MTA3: variants seen among roughly 807,000 people sequenced by gnomAD.
The protein encoded by MTA3 is metastasis-associated protein MTA3.
MTA3 carries 34 observed loss-of-function variants against 83.5 expected under a neutral mutation model. The ratio of observed to expected loss-of-function variants is 0.41; its 90% confidence interval spans 0.31 to 0.54. The LOEUF (loss-of-function observed/expected upper bound fraction) is 0.54, where lower values mean the gene tolerates loss of function less well. Ranked by LOEUF, MTA3 falls within the 20% of genes least tolerant of loss-of-function variation. The probability of loss-of-function intolerance (pLI) is 0.33; values close to 1 mark genes in which losing one functional copy is unlikely to be tolerated. For missense variants in MTA3, 761 were observed against 726.4 expected (o/e 1.05, Z -0.55); for synonymous variants, 303 against 252.7 (o/e 1.20, Z -1.89).
intron 2 of MTA3, among the ~76,000 whole-genome samples, chr2:42,555,387 G>A (rs561391277): frequency 6.9e-5 from 10 of 145,436 alleles, no homozygotes; most frequent in Non-Finnish European, 1.2e-4. Context: ...CCCAGGAGGC[G>A]GAGGTTGTGG....
intron 14 of MTA3, among the ~76,000 whole-genome samples, chr2:42,718,552 T>A (rs1183676076): frequency 6.6e-6 from 1 of 151,220 alleles, no homozygotes; most frequent in African/African-American, 2.4e-5. Context: ...AACACAAGAT[T>A]AGGAGTTCGA....
intron 2 of MTA3, among the ~76,000 whole-genome samples, chr2:42,561,996 A>G (rs1449005944): frequency 6.6e-6 from 1 of 152,146 alleles, no homozygotes; most frequent in Non-Finnish European, 1.5e-5. Flanking sequence ...AGGTGTCAGT[A>G]GGGTTAGTCC....
chr2:42,549,468 T>A (rs1321492292), intron 2 of MTA3, among the ~76,000 whole-genome samples: 7 of 91,352 alleles, frequency 7.7e-5, no homozygotes, highest in African/African-American at 2.9e-4. Context: ...TATATACATA[T>A]TATATATTAT....
intron 8 of MTA3, among the ~76,000 whole-genome samples, chr2:42,662,285 G>T (rs1689792943): frequency 6.6e-6 from 1 of 151,888 alleles, no homozygotes; most frequent in Non-Finnish European, 1.5e-5. Context: ...ATCCCTTTGT[G>T]AGCATGTGTG....
chr2:42,559,501 C>CA (rs543291273), intron 2 of MTA3, among the ~76,000 whole-genome samples: 2,780 of 106,556 alleles, frequency 0.026, 33 homozygotes, highest in Non-Finnish European at 0.041. Context: ...GACCTTGTCT[C>CA]AAAAAAAAAA....
intron 16 of MTA3, among the ~76,000 whole-genome samples, chr2:42,739,632 C>T (rs6747718): frequency 0.51 from 77,814 of 151,964 alleles, 20,218 homozygotes; most frequent in South Asian, 0.65. Flanking sequence ...GTGGACTCTT[C>T]CTTTCACGAA....
intron 2 of MTA3, among the ~76,000 whole-genome samples, chr2:42,560,837 G>T (rs761527651): frequency 1.3e-5 from 2 of 152,154 alleles, no homozygotes; most frequent in Non-Finnish European, 2.9e-5. Context: ...AACCTGGGAG[G>T]TGGAGGTTGC....
intron 2 of MTA3, chr2:42,532,799 G>T: frequency 2.7e-6 from 1 of 366,810 alleles, no homozygotes. Context: ...CCAGCAGCTC[G>T]GGCTCCTTCC....
At chr2:42,500,640 C>T (rs1294736212) in intron 2 of MTA3, among the ~76,000 whole-genome samples, 2 of 151,952 alleles carry the variant, frequency 1.3e-5, no homozygotes, top group Non-Finnish European at 2.9e-5. Context: ...AAATTTTTTC[C>T]TCTACCTTCC....
At chr2:42,519,118 C>G (rs1351849198) in intron 2 of MTA3, among the ~76,000 whole-genome samples, 2 of 151,926 alleles carry the variant, frequency 1.3e-5, no homozygotes, top group African/African-American at 4.8e-5. Context: ...GTCACCATCA[C>G]CAATAATCAG....
chr2:42,719,459 T>A (rs1056629206), intron 15 of MTA3, among the ~76,000 whole-genome samples: 4 of 152,248 alleles, frequency 2.6e-5, no homozygotes. Context: ...TCTTTTTAAA[T>A]AGAAGATTTA....
At chr2:42,619,117 A>G (rs1212576210) in intron 4 of MTA3, among the ~76,000 whole-genome samples, 1 of 152,226 alleles carries the variant, frequency 6.6e-6, no homozygotes, top group East Asian at 1.9e-4. Context: ...TGCAAAATGA[A>G]CAACGGAACA....
At chr2:42,644,659 A>G (rs1381265558) in intron 6 of MTA3, among the ~76,000 whole-genome samples, 1 of 152,172 alleles carries the variant, frequency 6.6e-6, no homozygotes, top group African/African-American at 2.4e-5. Context: ...CATTTTTCCA[A>G]CAGGACAGTG....
intron 3 of MTA3, among the ~76,000 whole-genome samples, chr2:42,595,948 T>C (rs1401144299): frequency 2.0e-5 from 3 of 152,156 alleles, no homozygotes; most frequent in Admixed American, 1.3e-4. Flanking sequence ...CTGAAAGCAT[T>C]TGTCTGTGAT....
intron 2 of MTA3, among the ~76,000 whole-genome samples, chr2:42,547,664 GTA>G (rs1676819486): frequency 2.0e-5 from 3 of 152,188 alleles, no homozygotes; most frequent in African/African-American, 7.2e-5. Flanking sequence ...AGCAGTTGAA[GTA>G]TGGCTTCTGG....
chr2:42,541,127 G>C (rs1218227603), intron 2 of MTA3, among the ~76,000 whole-genome samples: 1 of 151,806 alleles, frequency 6.6e-6, no homozygotes, highest in Non-Finnish European at 1.5e-5. Flanking sequence ...CGCCTCCCAG[G>C]TTCAAGTGAT....
At chr2:42,736,047 T>C (rs1668587130) in intron 16 of MTA3, among the ~76,000 whole-genome samples, 1 of 152,172 alleles carries the variant, frequency 6.6e-6, no homozygotes, top group South Asian at 2.1e-4. Context: ...GTTGTAGTCT[T>C]CACAGTTTGG....
At position 42,734,382 on chromosome 2, in the gene MTA3, A is replaced by AT. The variant is rs58267129; in HGVS notation, c.1759+11360dup. Among the ~76,000 whole-genome samples the AT allele has an allele frequency of 1.7e-4, 23 of 138,422 alleles. 1 individual carries two copies. In the East Asian group the frequency reaches 2.2e-3, roughly 13 times the overall value. The allele number at this position is 138,422 out of a possible 152,430, so 90.8% of individuals were successfully genotyped here. On this transcript the variant is annotated intron_variant, in intron 16 of 16. Transcript: ENST00000405094. ...CTTTTTTGGTTTCCATTTGCATGGA[A>AT]TTTTTTTTTTTTTCCATCCCTTTAC...
chr2:42,672,819 A>G (rs2104411449), intron 8 of MTA3, among the ~76,000 whole-genome samples: 1 of 149,714 alleles, frequency 6.7e-6, no homozygotes, highest in South Asian at 2.1e-4. Context: ...TTGAAAGTAG[A>G]TGGCAAACTT....
Sources: gnomAD v4.1 joint callset for allele counts (sites outside exome capture counted in the v4.1 genomes callset) on GRCh38, gnomAD v4.1.1 for gene constraint, MANE v1.5 for transcripts, NCBI Gene and HGNC (gene_info 2026-07-23, HGNC 2026-07-21) for gene names.